The following PVT1 variants were observed in gnomAD, a reference collection of about 807,000 sequenced individuals.
The protein encoded by PVT1 is Pvt1 oncogene, also known as CXCR4/PVT1 fusion.
intron 5 of PVT1, among the ~76,000 whole-genome samples, chr8:128,079,598 C>T (rs1814147098): frequency 6.6e-6 from 1 of 152,154 alleles, no homozygotes; most frequent in Admixed American, 6.5e-5. Context: ...CTAAAATTCC[C>T]CTGTGCTTCC....
intron 4 of PVT1, among the ~76,000 whole-genome samples, chr8:128,044,184 T>C (rs956661996): frequency 6.0e-5 from 9 of 149,840 alleles, no homozygotes. Context: ...TCTTGGCCAC[T>C]CTATGCAGAC....
intron 5 of PVT1, among the ~76,000 whole-genome samples, chr8:128,096,109 A>G (rs1814426225): frequency 6.6e-6 from 1 of 152,240 alleles, no homozygotes. Flanking sequence ...GTGCTTTGTA[A>G]TATTATAGAA....
rs189250004 is a variant in PVT1 at position 128,028,066 on chromosome 8, C to T, written n.912+38775C>T. ...TGCCCTCCGTCCCGCCACGGGCTCC[C>T]GCCAAACCAGCCCACACGGCCTCCT... is the stretch of plus-strand genomic sequence containing the variant. On this transcript the variant is annotated intron_variant and non_coding_transcript_variant, in intron 4 of 10. Transcript: ENST00000651587. 9.2e-5 allele frequency among the ~76,000 whole-genome samples: 14 copies of T among 152,348 alleles called. No homozygotes were observed. The East Asian group carries it at 1.4e-3, about 15-fold the overall frequency.
At chr8:127,799,073 C>T (rs571782541) in intron 2 of PVT1, among the ~76,000 whole-genome samples, 13 of 151,954 alleles carry the variant, frequency 8.6e-5, no homozygotes, top group South Asian at 8.3e-4. Context: ...TGCGAAATTC[C>T]GAACTATCTG....
At chr8:128,016,785 G>C (rs1563666657) in intron 4 of PVT1, among the ~76,000 whole-genome samples, 1 of 152,206 alleles carries the variant, frequency 6.6e-6, no homozygotes. Context: ...GAAAGCCATG[G>C]CTTTTCCTAA....
intron 3 of PVT1, among the ~76,000 whole-genome samples, chr8:127,921,854 GTTTTTTT>G (rs71300279): frequency 5.6e-5 from 4 of 71,906 alleles, no homozygotes; most frequent in Non-Finnish European, 6.9e-5. Flanking sequence ...TTTGGTTCAT[GTTTTTTT>G]TTTTTTTTTT....
At chr8:127,847,000 T>G (rs1466325805) in intron 2 of PVT1, among the ~76,000 whole-genome samples, 166 of 108,018 alleles carry the variant, frequency 1.5e-3, no homozygotes, top group Non-Finnish European at 2.2e-3. Context: ...TTTTTTTTTT[T>G]TTGTTGTTGT....
intron 6 of PVT1, among the ~76,000 whole-genome samples, chr8:128,097,839 C>G (rs1004609416): frequency 6.6e-6 from 1 of 152,180 alleles, no homozygotes; most frequent in Non-Finnish European, 1.5e-5. Flanking sequence ...AAGAACTCCC[C>G]TCTTAATTTC....
chr8:127,966,803 G>A (rs2129955921), intron 3 of PVT1, among the ~76,000 whole-genome samples: 1 of 152,294 alleles, frequency 6.6e-6, no homozygotes, highest in Admixed American at 6.5e-5. Context: ...GACTTTTCAG[G>A]AAACCATTTG....
At chr8:128,068,632 A>AT (rs1185628843) in intron 4 of PVT1, among the ~76,000 whole-genome samples, 1 of 152,046 alleles carries the variant, frequency 6.6e-6, no homozygotes, top group Non-Finnish European at 1.5e-5. Context: ...AGAAGCTGGG[A>AT]TTACAGGTAC....
intron 3 of PVT1, among the ~76,000 whole-genome samples, chr8:127,949,951 T>A (rs1283974939): frequency 3.3e-5 from 5 of 152,256 alleles, no homozygotes; most frequent in African/African-American, 4.8e-5. Context: ...GAGACTCTTC[T>A]GCTTCCAGCT....
rs537003824 is a variant in PVT1 at position 127,833,381 on chromosome 8, T to C, written n.372+37310T>C. On this transcript the variant is annotated intron_variant and non_coding_transcript_variant, in intron 2 of 10. Coordinates refer to ENST00000651587, the Ensembl canonical transcript of PVT1. ...AGCTGCTCCTCTCTCCTGCCCTCTATCTTGGCCTCGCCCGGTCCTAGCCGG... is the reference window on the plus strand; with the variant it reads ...AGCTGCTCCTCTCTCCTGCCCTCTACCTTGGCCTCGCCCGGTCCTAGCCGG... 2.6e-5 allele frequency among the ~76,000 whole-genome samples: 4 copies of C among 152,218 alleles called. No homozygotes were observed. The South Asian group carries it at 8.3e-4, about 32-fold the overall frequency.
chr8:128,081,532 C>G (rs1019485856), intron 5 of PVT1, among the ~76,000 whole-genome samples: 3 of 152,178 alleles, frequency 2.0e-5, no homozygotes, highest in African/African-American at 7.2e-5. Flanking sequence ...GATTAATCCT[C>G]AGAATAAACC....
chr8:127,966,747 T>C (rs756109642), intron 3 of PVT1, among the ~76,000 whole-genome samples: 1 of 152,224 alleles, frequency 6.6e-6, no homozygotes, highest in Non-Finnish European at 1.5e-5. Context: ...ACAGCATATG[T>C]CAGCGCTGTA....
chr8:128,085,942 A>C (rs572744108), intron 5 of PVT1, among the ~76,000 whole-genome samples: 1 of 152,372 alleles, frequency 6.6e-6, no homozygotes, highest in South Asian at 2.1e-4. Context: ...ATTCTGTTTT[A>C]TACGATAAAA....
chr8:128,087,863 A>G (rs944588299), intron 5 of PVT1, among the ~76,000 whole-genome samples: 4 of 147,198 alleles, frequency 2.7e-5, no homozygotes, highest in African/African-American at 1.0e-4. Context: ...AGGTTCAAGC[A>G]TTCTCCTGCC....
chr8:127,965,820 C>T (rs1383579026), intron 3 of PVT1, among the ~76,000 whole-genome samples: 1 of 152,170 alleles, frequency 6.6e-6, no homozygotes, highest in Non-Finnish European at 1.5e-5. Context: ...CAGAGTCCGC[C>T]AGGAGCTCTG....
At chr8:128,003,221 C>G (rs1817204814) in intron 4 of PVT1, among the ~76,000 whole-genome samples, 1 of 135,102 alleles carries the variant, frequency 7.4e-6, no homozygotes, top group Admixed American at 7.5e-5. Flanking sequence ...CTCCCTCCCT[C>G]CCTCCCTTTC....
chr8:128,039,951 G>A (rs1419003807), intron 4 of PVT1, among the ~76,000 whole-genome samples: 3 of 152,212 alleles, frequency 2.0e-5, no homozygotes, highest in South Asian at 4.2e-4. Context: ...TGATTATCCT[G>A]TGCAACTACA....
Sources: gnomAD v4.1 joint callset for allele counts (sites outside exome capture counted in the v4.1 genomes callset) on GRCh38, gnomAD v4.1.1 for gene constraint, MANE v1.5 for transcripts, NCBI Gene and HGNC (gene_info 2026-07-23, HGNC 2026-07-21) for gene names.